Variants in LDLRAD4 observed in about 807,000 individuals in gnomAD.
LDLRAD4 encodes the protein low-density lipoprotein receptor class A domain-containing protein 4.
A neutral mutation model predicts 17.0 loss-of-function variants in LDLRAD4; 5 were observed. The observed-to-expected ratio is 0.29, with a 90% confidence interval of 0.15 to 0.62. The LOEUF (loss-of-function observed/expected upper bound fraction) is 0.62, where lower values mean the gene tolerates loss of function less well. Ranked by LOEUF, LDLRAD4 falls within the 20% of genes least tolerant of loss-of-function variation. The pLI is 0.84. For synonymous variants in LDLRAD4, 168 were observed against 171.8 expected (o/e 0.98, Z 0.17); for missense variants, 340 against 424.7 (o/e 0.80, Z 1.75).
chr18:13,545,415 G>A (rs548658639), intron 3 of LDLRAD4, among the ~76,000 whole-genome samples: 5 of 152,318 alleles, frequency 3.3e-5, no homozygotes, highest in African/African-American at 1.2e-4. Flanking sequence ...CTTAGTTAAA[G>A]TGTGGGAAAA....
At chr18:13,321,066 C>T (rs2081189879) in intron 1 of LDLRAD4, among the ~76,000 whole-genome samples, 1 of 152,176 alleles carries the variant, frequency 6.6e-6, no homozygotes, top group African/African-American at 2.4e-5. Context: ...GCTCCCCCGC[C>T]CTCTTGTGTT....
chr18:13,433,945 A>C (rs1455049278), intron 2 of LDLRAD4, among the ~76,000 whole-genome samples: 1 of 152,200 alleles, frequency 6.6e-6, no homozygotes, highest in Non-Finnish European at 1.5e-5. Flanking sequence ...GATCCGATGG[A>C]AATCTCGGGT....
At chr18:13,375,035 C>T (rs1282420947) in intron 1 of LDLRAD4, among the ~76,000 whole-genome samples, 1 of 152,210 alleles carries the variant, frequency 6.6e-6, no homozygotes, top group Non-Finnish European at 1.5e-5. Context: ...CTATCTTTAC[C>T]CGGTTTTTGG....
rs1274140287 is a variant in LDLRAD4 at position 13,614,693 on chromosome 18, G to A, written c.182-6424G>A. 4.6e-5 allele frequency: 7 copies of A among 152,244 alleles called. No homozygotes were observed. The East Asian group carries it at 1.2e-3, about 25-fold the overall frequency. 9.4% of individuals were successfully genotyped at this position (152,244 alleles called of 1,614,324 possible). ...TTATACTAACAGTTCACAAACTTGAGGCAATTATAGTCTAAGTAGATTCCA... is the reference window on the plus strand; with the variant it reads ...TTATACTAACAGTTCACAAACTTGAAGCAATTATAGTCTAAGTAGATTCCA... On this transcript the variant is annotated intron_variant, in intron 3 of 5. Coordinates refer to ENST00000359446, the Ensembl canonical transcript of LDLRAD4.
Position 13,331,085 on chromosome 18 carries a change from C to A in LDLRAD4, c.-383+52897C>A, listed in dbSNP as rs1353833792. The stretch of plus-strand genomic sequence containing the variant: ...AGCAGTAAAGGTAAATAAGTGTTTC[C>A]TTGAGTTCTGTAAGCTGCTCTAGCT... On this transcript the variant is annotated intron_variant, in intron 1 of 5. Transcript: ENST00000359446. Among the ~76,000 whole-genome samples, 9 of 152,152 alleles carry A rather than the reference C, an allele frequency of 5.9e-5. 1 individual carries two copies. Among genetic ancestry groups the A allele is most frequent in the Admixed American group, 5.9e-4 (9 of 15,284 alleles).
chr18:13,551,788 T>C (rs2094437599), intron 3 of LDLRAD4, among the ~76,000 whole-genome samples: 2 of 152,196 alleles, frequency 1.3e-5, no homozygotes, highest in African/African-American at 2.4e-5. Context: ...TTTGCACTGC[T>C]ACAAAGGAAT....
At chr18:13,334,411 G>T (rs1315411489) in intron 1 of LDLRAD4, among the ~76,000 whole-genome samples, 3 of 151,996 alleles carry the variant, frequency 2.0e-5, no homozygotes, top group Non-Finnish European at 2.9e-5. Context: ...CTAATTTTTT[G>T]TATTTTTAGT....
At chr18:13,331,531 A>G (rs2143749238) in intron 1 of LDLRAD4, among the ~76,000 whole-genome samples, 1 of 152,244 alleles carries the variant, frequency 6.6e-6, no homozygotes, top group East Asian at 1.9e-4. Context: ...GCGTTAAAAT[A>G]CGGTGGTGAT....
At chr18:13,558,191 T>C (rs921563463) in intron 3 of LDLRAD4, among the ~76,000 whole-genome samples, 13 of 152,086 alleles carry the variant, frequency 8.5e-5, no homozygotes, top group African/African-American at 3.1e-4. Context: ...TAGACCAGGG[T>C]GAATATTGAG....
chr18:13,468,891 C>G (rs2092696338), intron 3 of LDLRAD4, among the ~76,000 whole-genome samples: 1 of 151,380 alleles, frequency 6.6e-6, no homozygotes. Context: ...AGGAGATATA[C>G]CTAATGTTAA....
intron 1 of LDLRAD4, among the ~76,000 whole-genome samples, chr18:13,237,269 AG>A (rs2042383995): frequency 6.6e-6 from 1 of 152,206 alleles, no homozygotes; most frequent in South Asian, 2.1e-4. Context: ...TGGGAAATGC[AG>A]GGGACTAAGT....
chr18:13,391,407 C>T (rs1006349650), intron 2 of LDLRAD4, among the ~76,000 whole-genome samples: 7 of 152,102 alleles, frequency 4.6e-5, no homozygotes, highest in Non-Finnish European at 5.9e-5. Flanking sequence ...CCCCATGCCA[C>T]GTTGGCAATC....
chr18:13,482,767 G>A (rs763188604), intron 3 of LDLRAD4, among the ~76,000 whole-genome samples: 14 of 152,216 alleles, frequency 9.2e-5, no homozygotes, highest in Non-Finnish European at 1.9e-4. Flanking sequence ...GGTGAGGGGT[G>A]GAAGTGCACT....
At chr18:13,418,052 C>T (rs1345439137) in intron 2 of LDLRAD4, among the ~76,000 whole-genome samples, 1 of 152,222 alleles carries the variant, frequency 6.6e-6, no homozygotes, top group African/African-American at 2.4e-5. Context: ...GTGCTGGAGG[C>T]TGGGCTGTTT....
chr18:13,422,207 T>A (rs1486184251), intron 2 of LDLRAD4, among the ~76,000 whole-genome samples: 2 of 152,208 alleles, frequency 1.3e-5, no homozygotes, highest in African/African-American at 4.8e-5. Context: ...AGTGCACATG[T>A]CACATGGGCT....
chr18:13,559,566 A>G (rs1334258386), intron 3 of LDLRAD4, among the ~76,000 whole-genome samples: 1 of 152,102 alleles, frequency 6.6e-6, no homozygotes, highest in Non-Finnish European at 1.5e-5. Flanking sequence ...ATGTACACAT[A>G]TATATGACAA....
At chr18:13,273,798 C>T (rs1226915401), upstream of LDLRAD4, among the ~76,000 whole-genome samples, 1 of 152,208 alleles carries the variant, frequency 6.6e-6, no homozygotes. Context: ...TTCCATCCTC[C>T]AGCCCCTCAT....
chr18:13,284,978 C>T (rs1167709155), intron 1 of LDLRAD4, among the ~76,000 whole-genome samples: 1 of 152,190 alleles, frequency 6.6e-6, no homozygotes, highest in Admixed American at 6.5e-5. Context: ...CGGGCTGTGC[C>T]TCTCAAGCCG....
intron 1 of LDLRAD4, among the ~76,000 whole-genome samples, chr18:13,356,273 C>T (rs950170072): frequency 6.6e-6 from 1 of 152,230 alleles, no homozygotes; most frequent in Non-Finnish European, 1.5e-5. Context: ...TGGGAATCTC[C>T]TTGGAAGGGT....
Sources: allele counts gnomAD v4.1 joint callset (sites outside exome capture counted in the v4.1 genomes callset), GRCh38; gene constraint gnomAD v4.1.1; transcripts MANE v1.5; gene names NCBI Gene and HGNC (gene_info 2026-07-23, HGNC 2026-07-21).